Variants in ZNF536 observed in about 807,000 individuals in gnomAD.
The protein encoded by ZNF536 is zinc finger protein 536.
In ZNF536, 13 loss-of-function variants were observed where a neutral mutation model predicts 84.5. That is an observed-to-expected ratio of 0.15 (90% CI 0.10 to 0.24). The LOEUF (loss-of-function observed/expected upper bound fraction) is 0.24, where lower values mean the gene tolerates loss of function less well. Ranked by LOEUF, ZNF536 falls within the 10% of genes least tolerant of loss-of-function variation. ZNF536 has a pLI of 1.00. For missense variants in ZNF536, 1,536 were observed against 1,747.5 expected, an observed-to-expected ratio of 0.88 and a Z score of 2.16; for synonymous variants, 811 against 742.5, an observed-to-expected ratio of 1.09 and a Z score of -1.50.
intron 2 of ZNF536, among the ~76,000 whole-genome samples, chr19:30,465,093 GTACGGAGTTAAA>G (rs1463134767): frequency 6.6e-6 from 1 of 152,128 alleles, no homozygotes; most frequent in Non-Finnish European, 1.5e-5. Context: ...CATTCATGAA[GTACGGAGTTAAA>G]TCTGTGGCGG....
chr19:30,387,997 C>T (rs2049416376), intron 1 of ZNF536, among the ~76,000 whole-genome samples: 1 of 151,632 alleles, frequency 6.6e-6, no homozygotes, highest in South Asian at 2.1e-4. Flanking sequence ...TAGGTGGAGC[C>T]CCTTAGAGGT....
intron 1 of ZNF536, among the ~76,000 whole-genome samples, chr19:30,564,799 C>T (rs569547206): frequency 6.6e-6 from 1 of 152,258 alleles, no homozygotes; most frequent in African/African-American, 2.4e-5. Context: ...TGCTCTTTTC[C>T]CTGCTCTGCC....
At chr19:30,255,075 G>A (rs995946939) in intron 1 of ZNF536, among the ~76,000 whole-genome samples, 3 of 152,174 alleles carry the variant, frequency 2.0e-5, no homozygotes, top group African/African-American at 7.2e-5. Flanking sequence ...TTCACATTAT[G>A]AAATATCCCA....
At chr19:30,634,747 A>G (rs1161128488) in intron 1 of ZNF536, among the ~76,000 whole-genome samples, 1 of 152,078 alleles carries the variant, frequency 6.6e-6, no homozygotes, top group Non-Finnish European at 1.5e-5. Flanking sequence ...CACACAATCC[A>G]ACCAGAAAGG....
chr19:30,695,332 G>A (rs62103459), intron 1 of ZNF536, among the ~76,000 whole-genome samples: 9,468 of 152,270 alleles, frequency 0.062, 304 homozygotes, highest in East Asian at 0.13. Flanking sequence ...AGTAAACAAC[G>A]TCTGGTTCCT....
intron 1 of ZNF536, among the ~76,000 whole-genome samples, chr19:30,433,279 C>T (rs1202141145): frequency 6.6e-6 from 1 of 152,204 alleles, no homozygotes. Flanking sequence ...TGCTGAAGCT[C>T]TCTGCAATTC....
At chr19:30,388,797 A>G (rs990535717) in intron 1 of ZNF536, among the ~76,000 whole-genome samples, 3 of 152,202 alleles carry the variant, frequency 2.0e-5, no homozygotes, top group Non-Finnish European at 2.9e-5. Flanking sequence ...ATAGTAGCCA[A>G]TGGGAAGACA....
chr19:30,420,288 C>A (rs2050898306), intron 1 of ZNF536, among the ~76,000 whole-genome samples: 1 of 152,218 alleles, frequency 6.6e-6, no homozygotes, highest in African/African-American at 2.4e-5. Flanking sequence ...AAGGCCTGAT[C>A]ACATCTCTTA....
chr19:30,699,570 C>T (rs1192514365), intron 1 of ZNF536, among the ~76,000 whole-genome samples: 1 of 152,048 alleles, frequency 6.6e-6, no homozygotes, highest in African/African-American at 2.4e-5. Context: ...AAATTACGTA[C>T]CTGATTGGAA....
intron 1 of ZNF536, among the ~76,000 whole-genome samples, chr19:30,250,318 G>A (rs1375710570): frequency 6.6e-6 from 1 of 152,194 alleles, no homozygotes; most frequent in East Asian, 1.9e-4. Flanking sequence ...TGTTGACGCC[G>A]AGGTCTGTGT....
chr19:30,386,809 A>G (rs1367910519), intron 1 of ZNF536, among the ~76,000 whole-genome samples: 3 of 152,156 alleles, frequency 2.0e-5, no homozygotes, highest in Non-Finnish European at 4.4e-5. Flanking sequence ...GCTTTCAGGA[A>G]CCGATTTTTG....
chr19:30,440,983 A>G (rs1316864829), intron 1 of ZNF536, among the ~76,000 whole-genome samples: 5 of 152,190 alleles, frequency 3.3e-5, no homozygotes, highest in Non-Finnish European at 7.4e-5. Flanking sequence ...CAAATCTGAA[A>G]ACTCTCACAT....
chr19:30,389,916 T>C (rs2049509118), intron 1 of ZNF536, among the ~76,000 whole-genome samples: 1 of 152,196 alleles, frequency 6.6e-6, no homozygotes, highest in Admixed American at 6.5e-5. Context: ...TCCAGCAGAA[T>C]TAGAGAGGAA....
intron 2 of ZNF536, among the ~76,000 whole-genome samples, chr19:30,532,853 T>A (rs962809636): frequency 6.6e-6 from 1 of 152,168 alleles, no homozygotes; most frequent in Non-Finnish European, 1.5e-5. Context: ...ATGTAGAGCA[T>A]TTGTCTGATG....
chr19:30,662,619 G>C (rs948110927), intron 1 of ZNF536, among the ~76,000 whole-genome samples: 7 of 151,880 alleles, frequency 4.6e-5, no homozygotes, highest in Non-Finnish European at 8.8e-5. Flanking sequence ...ATAATACCTG[G>C]TGGTGACTGA....
chr19:30,249,202 T>C (rs1568527291), intron 1 of ZNF536, among the ~76,000 whole-genome samples: 1 of 152,216 alleles, frequency 6.6e-6, no homozygotes, highest in Non-Finnish European at 1.5e-5. Flanking sequence ...TCTCTTAAAT[T>C]ATTCAGCAAC....
At chr19:30,309,983 G>A (rs895142732) in intron 2 of ZNF536, among the ~76,000 whole-genome samples, 3 of 152,118 alleles carry the variant, frequency 2.0e-5, no homozygotes, top group Non-Finnish European at 1.5e-5. Context: ...AAGGGTAGGC[G>A]TGGCGTGGAA....
chr19:30,360,071 A>T (rs1237962650), intron 3 of ZNF536, among the ~76,000 whole-genome samples: 3 of 152,174 alleles, frequency 2.0e-5, no homozygotes, highest in Non-Finnish European at 4.4e-5. Context: ...TGCGGGTCAG[A>T]GAGGCAAGCA....
rs1359835712 is a variant in ZNF536 at position 30,548,044 on chromosome 19, G to C, written c.2425G>C (p.Ala809Pro). Residue 809 changes from alanine to proline, a missense_variant, in exon 4 of 5, where the codon GCT (alanine) becomes CCT (proline). Around this residue, in one of 8 missense-constraint regions of ZNF536, gnomAD observed 148 missense variants for 205.4 expected, o/e 0.72. Coordinates refer to ENST00000355537, the MANE Select transcript of ZNF536 (RefSeq NM_014717.3). The part of the protein sequence containing the change: ...ERHHRERQNG[A>P]GPLSGQPPNQ... ...ACACCATCGGGAGCGGCAGAACGGG[G>C]CTGGGCCGCTGTCTGGGCAACCCCC... The C allele has an allele frequency of 1.2e-6, 2 of 1,614,088 alleles. No individual in the cohort carries two copies. Among genetic ancestry groups the C allele is most frequent in the Non-Finnish European group, 1.7e-6 (2 of 1,180,006 alleles).
Sources: gnomAD v4.1 joint callset for allele counts (sites outside exome capture counted in the v4.1 genomes callset) on GRCh38, gnomAD v4.1.1 for gene constraint, gnomAD v4.1.1 regional missense constraint, MANE v1.5 for transcripts, NCBI Gene and HGNC (gene_info 2026-07-23, HGNC 2026-07-21) for gene names.